Variants in CDH12 observed in about 807,000 individuals in gnomAD.
CDH12 encodes the protein cadherin 12, also known as cadherin-12.
CDH12 carries 41 observed loss-of-function variants against 74.1 expected under a neutral mutation model. The observed-to-expected ratio is 0.55, with a 90% CI of 0.43 to 0.72. The LOEUF (loss-of-function observed/expected upper bound fraction) is 0.72. CDH12 is among the 30% of genes least tolerant of loss of function. The pLI, the probability that CDH12 is intolerant of heterozygous loss-of-function variation, is 0.00. For synonymous variants in CDH12, 399 were observed against 355.0 expected, an observed-to-expected ratio of 1.12 and a Z score of -1.39; for missense variants, 945 against 977.2, an observed-to-expected ratio of 0.97 and a Z score of 0.44.
At chr5:22,187,699 C>T (rs1212810473) in intron 4 of CDH12, among the ~76,000 whole-genome samples, 1 of 150,334 alleles carries the variant, frequency 6.7e-6, no homozygotes, top group African/African-American at 2.4e-5. Context: ...TTTAGCAACC[C>T]AGACTAGAAT....
At chr5:21,909,400 T>A (rs1250532282) in intron 6 of CDH12, among the ~76,000 whole-genome samples, 4 of 152,130 alleles carry the variant, frequency 2.6e-5, no homozygotes, top group Non-Finnish European at 5.9e-5. Flanking sequence ...CTGAACTATC[T>A]CCAAGAAAAC....
intron 11 of CDH12, among the ~76,000 whole-genome samples, chr5:21,778,521 ATTT>A (rs71964106): frequency 2.6e-5 from 3 of 115,114 alleles, no homozygotes; most frequent in African/African-American, 9.6e-5. Flanking sequence ...AAAAATCTCT[ATTT>A]TTTTTTTTTT....
intron 4 of CDH12, among the ~76,000 whole-genome samples, chr5:22,154,771 T>C (rs1580334803): frequency 6.6e-6 from 1 of 152,068 alleles, no homozygotes; most frequent in Non-Finnish European, 1.5e-5. Context: ...GTCTATTGCA[T>C]TGTCACAAAT....
At chr5:21,925,219 T>C (rs1754534064) in intron 6 of CDH12, among the ~76,000 whole-genome samples, 1 of 152,198 alleles carries the variant, frequency 6.6e-6, no homozygotes, top group South Asian at 2.1e-4. Context: ...GGCTTTTCCC[T>C]TGTGAAAAGA....
chr5:21,826,204 C>A (rs1008612054), intron 8 of CDH12, among the ~76,000 whole-genome samples: 3 of 152,112 alleles, frequency 2.0e-5, no homozygotes, highest in African/African-American at 7.2e-5. Context: ...TCCTACTATA[C>A]TTGGCAAAAT....
intron 5 of CDH12, among the ~76,000 whole-genome samples, chr5:22,042,854 C>T (rs959280460): frequency 7.1e-6 from 1 of 141,124 alleles, no homozygotes; most frequent in Non-Finnish European, 1.5e-5. Flanking sequence ...CATGCCACCA[C>T]ACTCCAGCCT....
intron 1 of CDH12, among the ~76,000 whole-genome samples, chr5:22,625,314 T>C (rs1281256781): frequency 1.3e-5 from 2 of 151,800 alleles, no homozygotes; most frequent in South Asian, 2.1e-4. Context: ...ATAATGAATA[T>C]ATGAATAAAT....
intron 3 of CDH12, among the ~76,000 whole-genome samples, chr5:22,347,435 C>T (rs1039527317): frequency 1.3e-4 from 20 of 152,136 alleles, no homozygotes; most frequent in Admixed American, 4.6e-4. Context: ...CCTACACCAG[C>T]GGTTTGTCAG....
At chr5:22,402,971 T>A (rs1031446520) in intron 3 of CDH12, among the ~76,000 whole-genome samples, 1 of 152,134 alleles carries the variant, frequency 6.6e-6, no homozygotes, top group Non-Finnish European at 1.5e-5. Context: ...AGAAGGAAGA[T>A]GAACAATCTT....
At chr5:22,433,179 AC>A in intron 2 of CDH12, among the ~76,000 whole-genome samples, 1 of 152,154 alleles carries the variant, frequency 6.6e-6, no homozygotes, top group South Asian at 2.1e-4. Context: ...TTCATGAGCC[AC>A]CTTCTTCTTT....
chr5:22,446,141 G>A (rs2126551566), intron 2 of CDH12, among the ~76,000 whole-genome samples: 1 of 152,130 alleles, frequency 6.6e-6, no homozygotes, highest in African/African-American at 2.4e-5. Flanking sequence ...TCAGCCTTTG[G>A]ATTACTTAAG....
At chr5:22,236,445 A>C (rs550015629) in intron 3 of CDH12, among the ~76,000 whole-genome samples, 1 of 152,220 alleles carries the variant, frequency 6.6e-6, no homozygotes, top group South Asian at 2.1e-4. Context: ...AAGAACTAAA[A>C]CACAAGGCCA....
chr5:22,548,239 C>G (rs894692557), intron 1 of CDH12, among the ~76,000 whole-genome samples: 6 of 152,120 alleles, frequency 3.9e-5, no homozygotes, highest in African/African-American at 1.4e-4. Flanking sequence ...GTTAACATAG[C>G]TGACAAAGCT....
intron 1 of CDH12, among the ~76,000 whole-genome samples, chr5:22,523,086 G>C (rs1408528662): frequency 6.6e-6 from 1 of 152,140 alleles, no homozygotes; most frequent in Non-Finnish European, 1.5e-5. Flanking sequence ...TTAGCACTAG[G>C]TATCTGGATC....
chr5:22,695,735 T>C (rs1042703587), intron 1 of CDH12, among the ~76,000 whole-genome samples: 2 of 150,794 alleles, frequency 1.3e-5, no homozygotes, highest in African/African-American at 4.8e-5. Flanking sequence ...GATTAAATCT[T>C]GGCATTTGCA....
intron 1 of CDH12, among the ~76,000 whole-genome samples, chr5:22,605,098 T>A (rs1737033531): frequency 6.6e-6 from 1 of 152,244 alleles, no homozygotes; most frequent in South Asian, 2.1e-4. Context: ...ATTTGATAAT[T>A]TTATGGGCTT....
At chr5:22,364,003 C>A (rs562740306) in intron 3 of CDH12, among the ~76,000 whole-genome samples, 28 of 152,314 alleles carry the variant, frequency 1.8e-4, no homozygotes, top group Admixed American at 3.3e-4. Context: ...TGCCCCTCCC[C>A]TCATTCTCCT....
intron 8 of CDH12, among the ~76,000 whole-genome samples, chr5:21,835,847 A>G (rs967262834): frequency 2.6e-5 from 4 of 151,876 alleles, no homozygotes; most frequent in Non-Finnish European, 5.9e-5. Context: ...ACTTAAACAT[A>G]TCAATAGTTT....
Position 21,802,361 on chromosome 5 carries a change from G to A in CDH12, c.1062C>T (p.His354=). ...YTFKVEASNL[H]LDHRFHSAGP... ...CCGCCGAGTGAAACCGGTGGTCAAG[G>A]TGAAGGTTGGAAGCCTCAACTTTGA... The change falls in exon 10 of 15, where the codon CAC becomes CAT. Residue 354 remains histidine, a synonymous_variant. Transcript: ENST00000382254. 1 of 1,613,796 alleles carries A rather than the reference G, an allele frequency of 6.2e-7. No individual in the cohort carries two copies. The highest frequency in any genetic ancestry group is 8.5e-7 in the Non-Finnish European group (1 of 1,179,878).
Sources: gnomAD v4.1 joint callset for allele counts (sites outside exome capture counted in the v4.1 genomes callset) on GRCh38, gnomAD v4.1.1 for gene constraint, MANE v1.5 for transcripts, NCBI Gene and HGNC (gene_info 2026-07-23, HGNC 2026-07-21) for gene names.